Variants in DNAH7 observed in about 807,000 individuals in gnomAD.
DNAH7 encodes axonemal beta dynein heavy chain 7.
A neutral mutation model predicts 444.6 loss-of-function variants in DNAH7; 397 were observed. The observed-to-expected ratio is 0.89, with a 90% confidence interval of 0.82 to 0.97. The LOEUF (loss-of-function observed/expected upper bound fraction) is 0.97. Among genes scored for constraint, DNAH7 ranks in the 50% least tolerant of loss-of-function variants. The probability of loss-of-function intolerance (pLI) is 0.00; values close to 1 mark genes in which losing one functional copy is unlikely to be tolerated. For synonymous variants in DNAH7, 1,636 were observed against 1,624.4 expected (o/e 1.01, Z -0.17); for missense variants, 4,902 against 4,800.8 (o/e 1.02, Z -0.62).
At chr2:195,937,967 C>T in intron 19 of DNAH7, among the ~76,000 whole-genome samples, 1 of 152,082 alleles carries the variant, frequency 6.6e-6, no homozygotes, top group Non-Finnish European at 1.5e-5. Flanking sequence ...TTGTTAAAAA[C>T]TAAATACTAA....
At chr2:195,871,391 T>A (rs1448624950) in intron 40 of DNAH7, among the ~76,000 whole-genome samples, 3 of 152,124 alleles carry the variant, frequency 2.0e-5, no homozygotes, top group African/African-American at 7.2e-5. Flanking sequence ...CTCAAACTCC[T>A]AACTTCAAGC....
At chr2:195,952,447 G>C (rs1434412978) in intron 19 of DNAH7, among the ~76,000 whole-genome samples, 1 of 152,074 alleles carries the variant, frequency 6.6e-6, no homozygotes, top group Non-Finnish European at 1.5e-5. Context: ...GGTGTTCTCT[G>C]TATTTCCTGA....
At chr2:195,949,377 G>A (rs1022304331) in intron 19 of DNAH7, among the ~76,000 whole-genome samples, 14 of 152,036 alleles carry the variant, frequency 9.2e-5, no homozygotes, top group African/African-American at 2.4e-4. Context: ...TCTGCCTCCC[G>A]AGTTCAAGCA....
chr2:196,014,898 G>A (rs1198716070), intron 9 of DNAH7, among the ~76,000 whole-genome samples: 2 of 151,904 alleles, frequency 1.3e-5, no homozygotes, highest in Non-Finnish European at 2.9e-5. Context: ...TTAACACATC[G>A]AGATTTTTCT....
rs1217066675 is a variant in DNAH7 at position 195,906,725 on chromosome 2, T to C, written c.4269A>G (p.Thr1423=). ...FEGTELKLDP[T]CAVFITMNPG... ...GGTTCATTGTTATAAAGACAGCACA[T>C]GTGGGGTCAAGTTTTAGTTCAGTTC... Residue 1423 remains threonine (T), a synonymous_variant, in exon 27 of 65, where the codon ACA becomes ACG. Coordinates refer to ENST00000312428, the MANE Select transcript of DNAH7 (RefSeq NM_018897.3). The C allele has an allele frequency of 2.5e-6, 4 of 1,613,458 alleles. No individual in the cohort carries two copies. The highest frequency in any genetic ancestry group is 1.1e-5 in the South Asian group (1 of 91,066).
chr2:195,970,682 A>C (rs1193796960), intron 16 of DNAH7, among the ~76,000 whole-genome samples: 1 of 152,214 alleles, frequency 6.6e-6, no homozygotes, highest in Non-Finnish European at 1.5e-5. Context: ...ATAGGTATGT[A>C]TGTTTTAAGT....
chr2:195,844,104 AC>A (rs1271134240), intron 47 of DNAH7, among the ~76,000 whole-genome samples: 1 of 104,896 alleles, frequency 9.5e-6, no homozygotes, highest in African/African-American at 2.5e-5. Context: ...TCAAAAAAAA[AC>A]AAAAAACCCA....
chr2:196,038,874 A>G (rs1472984306), intron 5 of DNAH7, among the ~76,000 whole-genome samples: 1 of 152,184 alleles, frequency 6.6e-6, no homozygotes. Flanking sequence ...GAGCATTCAG[A>G]TATATAAAGA....
chr2:196,063,861 T>C (rs1698269428), intron 1 of DNAH7: 1 of 152,234 alleles, frequency 6.6e-6, no homozygotes, highest in Admixed American at 6.5e-5. Context: ...CTTGTTTCAA[T>C]AAATTCTTCT....
intron 38 of DNAH7, among the ~76,000 whole-genome samples, chr2:195,874,201 G>T (rs1052913938): frequency 6.6e-6 from 1 of 152,128 alleles, no homozygotes; most frequent in Admixed American, 6.5e-5. Context: ...AGTCTATACA[G>T]TTCATATAGT....
At chr2:195,981,170 A>C (rs1169385785) in intron 15 of DNAH7, among the ~76,000 whole-genome samples, 1 of 152,212 alleles carries the variant, frequency 6.6e-6, no homozygotes, top group Non-Finnish European at 1.5e-5. Flanking sequence ...TACAGAAACC[A>C]GTAGCATTTA....
At chr2:196,001,068 G>GT (rs1238202035) in intron 11 of DNAH7, among the ~76,000 whole-genome samples, 185 bp from the exon 12 acceptor site, 1 of 152,076 alleles carries the variant, frequency 6.6e-6, no homozygotes. Flanking sequence ...ATGATATCCA[G>GT]TATCCATTGG....
At chr2:195,985,441 C>A (rs1692842365) in intron 14 of DNAH7, among the ~76,000 whole-genome samples, 1 of 152,066 alleles carries the variant, frequency 6.6e-6, no homozygotes, top group Non-Finnish European at 1.5e-5. Flanking sequence ...CTGAAGGAGC[C>A]AGGTTCAGAG....
intron 36 of DNAH7, among the ~76,000 whole-genome samples, chr2:195,880,368 G>A (rs1701303525): frequency 1.5e-5 from 2 of 135,454 alleles, no homozygotes; most frequent in South Asian, 4.6e-4. Flanking sequence ...TCACTCTGTC[G>A]CCCAGGCTGG....
Position 195,740,877 on chromosome 2 carries a change from TA to T in DNAH7, c.11765-9del. 2 of 1,492,146 alleles carry T rather than the reference TA, an allele frequency of 1.3e-6. No homozygotes were observed. Among genetic ancestry groups the T allele is most frequent in the South Asian group, 1.4e-5 (1 of 73,636 alleles). The allele number at this position is 1,492,146 out of a possible 1,614,324, so 92.4% of individuals were successfully genotyped here. A position where few individuals can be genotyped will look rare whatever the true frequency, so the allele number is the denominator to read the frequency against. ...ATCCGTGAATGAAAACACCTAAATATAAAAGAAACACATTAATATAACACTT... is the reference window on the plus strand; with the variant it reads ...ATCCGTGAATGAAAACACCTAAATATAAAGAAACACATTAATATAACACTT... On this transcript the variant is annotated splice_polypyrimidine_tract_variant and intron_variant, in intron 63 of 64. Transcript: ENST00000312428.
At chr2:196,058,225 T>C in intron 1 of DNAH7, 109 bp from the exon 2 acceptor site, 1 of 685,638 alleles carries the variant, frequency 1.5e-6, no homozygotes, top group African/African-American at 1.8e-5. Flanking sequence ...ATCCAAAATA[T>C]TCTAAAACAT....
At chr2:196,001,039 T>A (rs551825309) in intron 11 of DNAH7, among the ~76,000 whole-genome samples, 156 bp from the exon 12 acceptor site, 2 of 152,006 alleles carry the variant, frequency 1.3e-5, no homozygotes, top group African/African-American at 4.8e-5. Flanking sequence ...AGAGCAAGAG[T>A]GATTCTGAGC....
intron 19 of DNAH7, among the ~76,000 whole-genome samples, chr2:195,949,721 TATG>T (rs1690086675): frequency 6.6e-6 from 1 of 152,240 alleles, no homozygotes; most frequent in African/African-American, 2.4e-5. Flanking sequence ...GCCCATTCAG[TATG>T]ATATTGGCTG....
chr2:195,993,092 T>C lies in DNAH7; in HGVS notation c.1354-4863A>G, dbSNP rs192629535. Among the ~76,000 whole-genome samples the C allele has an allele frequency of 5.3e-4, 81 of 152,280 alleles. 1 individual carries two copies. The highest frequency in any genetic ancestry group is 1.9e-3 in the African/African-American group (79 of 41,564). On this transcript the variant is annotated intron_variant, in intron 12 of 64. Transcript: ENST00000312428. ...TGCAGCGTTAACAGTCCTTTCCCAG[T>C]AACAGAGGTGTGGGAAGCACAAGGA... is the stretch of plus-strand genomic sequence containing the variant.
Sources: gnomAD v4.1 joint callset for allele counts (sites outside exome capture counted in the v4.1 genomes callset) on GRCh38, gnomAD v4.1.1 for gene constraint, MANE v1.5 for transcripts, NCBI Gene and HGNC (gene_info 2026-07-23, HGNC 2026-07-21) for gene names.